The following AASS variants were observed in gnomAD, a reference collection of about 807,000 sequenced individuals.
AASS encodes the protein alpha-aminoadipic semialdehyde synthase, mitochondrial.
A neutral mutation model predicts 105.4 loss-of-function variants in AASS; 86 were observed. The observed-to-expected ratio is 0.82, with a 90% CI of 0.69 to 0.98. The LOEUF is 0.98. Ranked by LOEUF, AASS falls within the 50% of genes least tolerant of loss-of-function variation. The pLI is 0.00. For synonymous variants in AASS, 381 were observed against 394.8 expected (o/e 0.96, Z 0.41); for missense variants, 1,048 against 1,143.2 (o/e 0.92, Z 1.20).
In AASS at chr7:122,129,545, T is replaced by C. The variant is rs777924700; in HGVS notation, c.211-8A>G. 1.2e-6 allele frequency: 2 copies of C among 1,612,142 alleles called. No homozygotes were observed. Among genetic ancestry groups the C allele is most frequent in the Middle Eastern group, 1.7e-4 (1 of 6,008 alleles). ...ACCAGCTTTGACATAGTCCTGAAAT[T>C]GTAATTATGATTAAAGGTTATTATC... On this transcript the variant is annotated splice_region_variant and splice_polypyrimidine_tract_variant and intron_variant, in intron 2 of 23. Coordinates refer to ENST00000417368, the MANE Select transcript of AASS (RefSeq NM_005763.4).
rs533396325 is a variant in AASS, at chr7:122,106,419, T to C, written c.1279-4739A>G. On this transcript the variant is annotated intron_variant, in intron 11 of 23. Coordinates refer to ENST00000417368, the MANE Select transcript of AASS (RefSeq NM_005763.4). ...GAAAGAAACTATTTTAAAATTCATA[T>C]GGAACCAAAAAGAAGCAGAATAGCC... Among the ~76,000 whole-genome samples the C allele has an allele frequency of 2.0e-5, 3 of 151,988 alleles. No homozygotes were observed. In the South Asian group the frequency reaches 6.2e-4, roughly 32 times the overall value.
rs1793912910 is a variant in AASS, at chr7:122,091,756, C to T, written c.1963G>A (p.Val655Met). Residue 655 changes from valine (V) to methionine (M), a missense_variant, in exon 18 of 24, where the codon GTG becomes ATG. Coordinates refer to ENST00000417368, the MANE Select transcript of AASS (RefSeq NM_005763.4). ...PLRYKFSWSP[V>M]GVLMNVMQSA... ...TGCATTACATTCATCAAAACTCCCACTGGACTCCAGCTAAATTTATATCTC... is the reference window on the plus strand; with the variant it reads ...TGCATTACATTCATCAAAACTCCCATTGGACTCCAGCTAAATTTATATCTC... The T allele has an allele frequency of 6.2e-7, 1 of 1,613,554 alleles. No homozygotes were observed. Among genetic ancestry groups the T allele is most frequent in the Non-Finnish European group, 8.5e-7 (1 of 1,179,704 alleles).
At chr7:122,119,430 T>G (rs1388080423) in intron 4 of AASS, among the ~76,000 whole-genome samples, 1 of 152,154 alleles carries the variant, frequency 6.6e-6, no homozygotes, top group Non-Finnish European at 1.5e-5. Context: ...AGCCACCTTT[T>G]TATGTCTGTC....
At chr7:122,098,158 G>A (rs944286607) in intron 15 of AASS, among the ~76,000 whole-genome samples, 32 of 151,918 alleles carry the variant, frequency 2.1e-4, no homozygotes, top group African/African-American at 7.2e-4. Context: ...CAGAAGCCAG[G>A]ATAGTGTTTA....
chr7:122,120,904 G>A (rs947933638), intron 4 of AASS, among the ~76,000 whole-genome samples: 1 of 151,956 alleles, frequency 6.6e-6, no homozygotes, highest in Non-Finnish European at 1.5e-5. Flanking sequence ...ATTACAGTCA[G>A]AATACATACT....
In AASS at chr7:122,098,873, A is replaced by T. The variant is rs754045402; in HGVS notation, c.1407-7T>A. 5 of 272,862 alleles carry T rather than the reference A, an allele frequency of 1.8e-5. No homozygotes were observed. The highest frequency in any genetic ancestry group is 2.0e-4 in the East Asian group (1 of 4,980). The allele number at this position is 272,862 out of a possible 1,614,324, so 16.9% of individuals were successfully genotyped here. ...AAGTGACTGAGCACGTTCCCTATTTAAAAAAAAAAAAAAAAAAAAAAAAGG... is the reference window on the plus strand; with the variant it reads ...AAGTGACTGAGCACGTTCCCTATTTTAAAAAAAAAAAAAAAAAAAAAAAGG... On this transcript the variant is annotated splice_polypyrimidine_tract_variant and splice_region_variant and intron_variant, in intron 13 of 23. Transcript: ENST00000417368.
At chr7:122,110,652 C>A (rs1036184249) in intron 11 of AASS, among the ~76,000 whole-genome samples, 1 of 151,722 alleles carries the variant, frequency 6.6e-6, no homozygotes, top group Non-Finnish European at 1.5e-5. Flanking sequence ...AATATCCAAA[C>A]CTGACAAAGA....
At position 122,142,697 on chromosome 7, in the gene AASS, A is replaced by G. The variant is rs561493813; in HGVS notation, c.-16+1464T>C. On this transcript the variant is annotated intron_variant, in intron 1 of 23. Coordinates refer to ENST00000417368, the MANE Select transcript of AASS (RefSeq NM_005763.4). The stretch of plus-strand genomic sequence containing the variant: ...GTTTCCATGATTTCATGAATTGCAT[A>G]GAATCTTTTGTAGCCTTCCCAAGAA... Among the ~76,000 whole-genome samples the G allele has an allele frequency of 2.6e-5, 4 of 152,294 alleles. No individual in the cohort carries two copies. In the East Asian group the frequency reaches 7.7e-4, roughly 29 times the overall value.
intron 6 of AASS, 95 bp from the exon 7 acceptor site, chr7:122,117,052 T>G (rs966313591): frequency 9.0e-6 from 10 of 1,117,144 alleles, no homozygotes; most frequent in Non-Finnish European, 1.2e-5. Context: ...AACAATTACA[T>G]AGCTCCACTT....
At chr7:122,128,311 A>AT (rs1461174335) in intron 3 of AASS, among the ~76,000 whole-genome samples, 1 of 152,250 alleles carries the variant, frequency 6.6e-6, no homozygotes, top group Middle Eastern at 3.4e-3. Context: ...CAAAATAAGC[A>AT]TTTCTGAACA....
chr7:122,107,397 A>G (rs1211735652), intron 11 of AASS, among the ~76,000 whole-genome samples: 4 of 152,144 alleles, frequency 2.6e-5, no homozygotes, highest in African/African-American at 9.7e-5. Flanking sequence ...TAATATACCC[A>G]AAGGAATATA....
intron 15 of AASS, among the ~76,000 whole-genome samples, chr7:122,098,221 G>A (rs536807704): frequency 1.1e-4 from 17 of 151,896 alleles, no homozygotes; most frequent in South Asian, 8.3e-4. Context: ...GGGCTTCTGG[G>A]GAATTACTGA....
chr7:122,129,348 A>G lies in AASS; in HGVS notation c.387+13T>C. ...TTCTACATTAATATTTATAAATATT[A>G]ATCACTAATTACCTGTTTTAGAATC... On this transcript the variant is annotated intron_variant, in intron 3 of 23. Transcript: ENST00000417368. The G allele has an allele frequency of 6.6e-7, 1 of 1,514,454 alleles. No homozygotes were observed. Among genetic ancestry groups the G allele is most frequent in the South Asian group, 1.4e-5 (1 of 73,290 alleles). The allele number at this position is 1,514,454 out of a possible 1,614,324, so 93.8% of individuals were successfully genotyped here. A position where few individuals can be genotyped will look rare whatever the true frequency, so the allele number is the denominator to read the frequency against.
chr7:122,107,610 G>A (rs948933481), intron 11 of AASS, among the ~76,000 whole-genome samples: 1 of 152,096 alleles, frequency 6.6e-6, no homozygotes, highest in African/African-American at 2.4e-5. Flanking sequence ...AACATGGATA[G>A]AGCTAGAAGC....
intron 20 of AASS, 111 bp downstream of exon 20, chr7:122,081,389 C>A: frequency 1.1e-6 from 1 of 874,318 alleles, no homozygotes; most frequent in South Asian, 1.3e-5. Context: ...TCTTCCTGCT[C>A]ATAAGCTAAA....
chr7:122,129,232 G>C, intron 3 of AASS, 129 bp downstream of exon 3: 1 of 592,546 alleles, frequency 1.7e-6, no homozygotes, highest in Non-Finnish European at 2.7e-6. Context: ...TTCCATTTCA[G>C]AATATAAAAG....
chr7:122,121,707 G>GT (rs1157580973), intron 4 of AASS, among the ~76,000 whole-genome samples: 29 of 152,164 alleles, frequency 1.9e-4, no homozygotes, highest in Admixed American at 3.3e-4. Flanking sequence ...AAGATATGAT[G>GT]TTTTTTATGT....
intron 15 of AASS, 63 bp from the exon 16 acceptor site, chr7:122,093,221 G>T: frequency 8.3e-7 from 1 of 1,210,392 alleles, no homozygotes; most frequent in Non-Finnish European, 1.2e-6. Context: ...TAAGGTACTT[G>T]AACTGTATTA....
At chr7:122,140,836 A>G in intron 1 of AASS, among the ~76,000 whole-genome samples, 1 of 151,972 alleles carries the variant, frequency 6.6e-6, no homozygotes, top group African/African-American at 2.4e-5. Flanking sequence ...AAGTTCAAGG[A>G]TGAACAGCGC....
Sources: allele counts gnomAD v4.1 joint callset (sites outside exome capture counted in the v4.1 genomes callset), GRCh38; gene constraint gnomAD v4.1.1; transcripts MANE v1.5; gene names NCBI Gene and HGNC (gene_info 2026-07-23, HGNC 2026-07-21).